The following NOS1 variants were observed in gnomAD, a reference collection of about 807,000 sequenced individuals.
NOS1 encodes nitric oxide synthase 1, also known as NOS type I.
NOS1 carries 51 observed loss-of-function variants against 164.5 expected under a neutral mutation model. That is an observed-to-expected ratio of 0.31 (90% confidence interval 0.25 to 0.39). NOS1 has a LOEUF of 0.39. NOS1 is among the 10% of genes least tolerant of loss of function. The pLI, the probability that NOS1 is intolerant of heterozygous loss-of-function variation, is 1.00. For missense variants in NOS1, 1,362 were observed against 1,885.6 expected, an observed-to-expected ratio of 0.72 and a Z score of 5.14; for synonymous variants, 719 against 745.8, an observed-to-expected ratio of 0.96 and a Z score of 0.59.
At chr12:117,338,873 A>T (rs1285374863) in intron 1 of NOS1, among the ~76,000 whole-genome samples, 2 of 152,160 alleles carry the variant, frequency 1.3e-5, no homozygotes, top group East Asian at 3.9e-4. Context: ...CACCCACAAA[A>T]TATCTGATGG....
intron 3 of NOS1, among the ~76,000 whole-genome samples, chr12:117,302,815 A>G (rs11068439): frequency 6.6e-6 from 1 of 151,738 alleles, no homozygotes; most frequent in Non-Finnish European, 1.5e-5. Context: ...GCACGATCTC[A>G]GCTCAATGCA....
chr12:117,302,368 G>C (rs1873872511), intron 3 of NOS1, among the ~76,000 whole-genome samples: 1 of 152,150 alleles, frequency 6.6e-6, no homozygotes, highest in African/African-American at 2.4e-5. Flanking sequence ...GCCGAGGCGG[G>C]CGGATCATGA....
Position 117,208,328 on chromosome 12 carries a change from A to G in NOS1, c.*6981T>C. ...AAGGAAGGTGCTGGAGCACAGGGAC[A>G]CTTGGCAGAGATTAGCAGCATTGAG... On this transcript the variant is annotated 3_prime_UTR_variant, in exon 29 of 29. Coordinates refer to ENST00000317775, the MANE Select transcript of NOS1 (RefSeq NM_000620.5). The G allele has an allele frequency of 1.6e-6, 2 of 1,288,976 alleles. No individual in the cohort carries two copies. The highest frequency in any genetic ancestry group is 2.0e-6 in the Non-Finnish European group (2 of 988,696). The allele number at this position is 1,288,976 out of a possible 1,614,324, so 79.8% of individuals were successfully genotyped here.
At position 117,208,637 on chromosome 12, in the gene NOS1, C is replaced by T; in HGVS notation, c.*6672G>A. The T allele has an allele frequency of 1.7e-6, 2 of 1,159,594 alleles. No homozygotes were observed. The highest frequency in any genetic ancestry group is 2.2e-6 in the Non-Finnish European group (2 of 925,902). The allele number at this position is 1,159,594 out of a possible 1,614,324, so 71.8% of individuals were successfully genotyped here. On this transcript the variant is annotated 3_prime_UTR_variant, in exon 29 of 29. Transcript: ENST00000317775. The stretch of plus-strand genomic sequence containing the variant: ...GGGACTGAGACCCAGCTCAAGAGCA[C>T]TGGATCTCAGTGAGTCTTAATCAGA...
chr12:117,219,867 T>C (rs966505531), intron 27 of NOS1, among the ~76,000 whole-genome samples: 2 of 152,208 alleles, frequency 1.3e-5, no homozygotes, highest in Admixed American at 1.3e-4. Context: ...TCATATTTGC[T>C]ACACCTGCCT....
intron 22 of NOS1, among the ~76,000 whole-genome samples, chr12:117,228,775 A>T (rs1868925340): frequency 6.6e-6 from 1 of 151,896 alleles, no homozygotes; most frequent in African/African-American, 2.4e-5. Flanking sequence ...TCTATTTTTA[A>T]ACTTTTTTAA....
chr12:117,286,025 C>G (rs966105290), intron 6 of NOS1, 79 bp downstream of exon 6: 6 of 1,520,846 alleles, frequency 3.9e-6, no homozygotes, highest in Admixed American at 1.8e-5. Context: ...GAAGCTTATC[C>G]TTTTTAAAGC....
intron 1 of NOS1, among the ~76,000 whole-genome samples, chr12:117,359,233 C>G (rs1877002644): frequency 6.6e-6 from 1 of 152,232 alleles, no homozygotes; most frequent in Admixed American, 6.5e-5. Context: ...GCGGACACCC[C>G]CTCCTTCAGG....
In NOS1 at chr12:117,243,159, G is replaced by A. The variant is rs1870326070; in HGVS notation, c.2962+138C>T. The stretch of plus-strand genomic sequence containing the variant: ...TTACTGAGTGTGGGAGAGCAGCAAA[G>A]TATTCATTTTGGTAGGACTGCACTA... On this transcript the variant is annotated intron_variant, in intron 19 of 28. Transcript: ENST00000317775. The surrounding 1 kb of genome is among the most constrained non-coding windows in gnomAD (Gnocchi z 4.3). 3.1e-6 allele frequency: 3 copies of A among 982,358 alleles called. No homozygotes were observed. The highest frequency in any genetic ancestry group is 4.5e-6 in the Non-Finnish European group (3 of 661,752). The allele number at this position is 982,358 out of a possible 1,614,324, so 60.9% of individuals were successfully genotyped here.
chr12:117,346,679 G>A (rs1876367135), intron 1 of NOS1, among the ~76,000 whole-genome samples: 1 of 152,126 alleles, frequency 6.6e-6, no homozygotes, highest in Non-Finnish European at 1.5e-5. Flanking sequence ...CTATGACTCA[G>A]GCTCTGCATT....
intron 16 of NOS1, 99 bp downstream of exon 16, chr12:117,258,298 G>A: frequency 1.7e-6 from 2 of 1,183,636 alleles, no homozygotes; most frequent in Non-Finnish European, 2.5e-6. Context: ...TCAGATTACA[G>A]CCACCATCCA....
In NOS1 at chr12:117,356,209, T is replaced by C. The variant is rs1176141369; in HGVS notation, c.-421+5303A>G. On this transcript the variant is annotated intron_variant, in intron 1 of 28. Transcript: ENST00000317775. This position sits in a 1 kb window ranked among gnomAD's most constrained non-coding sequence, Gnocchi z 4.2. ...GCTGTATGAATGACATGCTGGAGAG[T>C]CAGAGATGTTAATTCTCTCACTCTG... Among the ~76,000 whole-genome samples, 1 of 151,846 alleles carries C rather than the reference T, an allele frequency of 6.6e-6. No individual in the cohort carries two copies. Among genetic ancestry groups the C allele is most frequent in the East Asian group, 1.9e-4 (1 of 5,174 alleles).
At chr12:117,259,884 C>T (rs540788715) in intron 14 of NOS1, among the ~76,000 whole-genome samples, 183 of 152,062 alleles carry the variant, frequency 1.2e-3, no homozygotes, top group Non-Finnish European at 2.2e-3. Flanking sequence ...CTTTGGGAGG[C>T]CGAGGCGGGC....
At chr12:117,236,178 G>A (rs769626140) in intron 20 of NOS1, among the ~76,000 whole-genome samples, 3 of 152,128 alleles carry the variant, frequency 2.0e-5, no homozygotes, top group Non-Finnish European at 2.9e-5. Flanking sequence ...TTTGAGCTAC[G>A]ATTGCTTTTT....
chr12:117,302,134 G>A (rs796479926), intron 3 of NOS1: 6 of 456,534 alleles, frequency 1.3e-5, no homozygotes, highest in African/African-American at 1.2e-4. Context: ...TGAAGCCATG[G>A]ACTTAAAGTG....
Position 117,234,654 on chromosome 12 carries a change from A to G in NOS1, c.3146T>C (p.Val1049Ala), listed in dbSNP as rs775257502. Residue 1049 changes from valine to alanine, a missense_variant, in exon 21 of 29, where the codon GTG becomes GCG. Physicochemically the swap from Val to Ala is moderately conservative, Grantham distance 64. Around this residue, in one of 4 missense-constraint regions of NOS1, gnomAD observed 737 missense variants for 1,030.3 expected, o/e 0.72. Transcript: ENST00000317775. The surrounding 1 kb of genome is among the most constrained non-coding windows in gnomAD (Gnocchi z 4.3). Reference sequence around the variant, plus strand: ...CTCCAGCCGCTCGATCAGGGCATTCACGAGGTCCTCGTGGTTGCCAGGGAA... The same window carrying G: ...CTCCAGCCGCTCGATCAGGGCATTCGCGAGGTCCTCGTGGTTGCCAGGGAA... ...GVFPGNHEDL[V>A]NALIERLEDA... 6.2e-7 allele frequency: 1 copy of G among 1,614,100 alleles called. No homozygotes were observed. The highest frequency in any genetic ancestry group is 1.7e-5 in the Admixed American group (1 of 60,018).
At position 117,232,114 on chromosome 12, in the gene NOS1, T is replaced by C; in HGVS notation, c.3253A>G (p.Thr1085Ala). Residue 1085 changes from threonine (T) to alanine (A), a missense_variant, in exon 22 of 29, where the codon ACA (threonine) becomes GCA (alanine). By Grantham distance (58) the Thr-to-Ala change is moderately conservative (BLOSUM62 0). Coordinates refer to ENST00000317775, the MANE Select transcript of NOS1 (RefSeq NM_000620.5). ...NTALGVISNW[T>A]DELRLPPCTI... ...CAGGGCGGGAGGCGGAGCTCGTCTG[T>C]CCAGTTACTGATGACACCTGTGGAG... is the stretch of plus-strand genomic sequence containing the variant. 2.5e-6 allele frequency: 4 copies of C among 1,611,840 alleles called. No individual in the cohort carries two copies. Among genetic ancestry groups the C allele is most frequent in the Non-Finnish European group, 3.4e-6 (4 of 1,179,822 alleles).
Position 117,211,116 on chromosome 12 carries a change from C to T in NOS1, c.*4193G>A, listed in dbSNP as rs1956520938. The T allele has an allele frequency of 1.7e-5, 10 of 583,142 alleles. No homozygotes were observed. In the South Asian group the frequency reaches 5.3e-4, roughly 31 times the overall value. The allele number at this position is 583,142 out of a possible 1,614,324, so 36.1% of individuals were successfully genotyped here. A position where few individuals can be genotyped will look rare whatever the true frequency, so the allele number is the denominator to read the frequency against. On this transcript the variant is annotated 3_prime_UTR_variant, in exon 29 of 29. Coordinates refer to ENST00000317775, the MANE Select transcript of NOS1 (RefSeq NM_000620.5). ...AGACTACAGGCGCATGCCACCATGC[C>T]CAGCTAATTTTTGTATTTTCTTAGT...
In NOS1 at chr12:117,222,774, T is replaced by C; in HGVS notation, c.3916A>G (p.Asn1306Asp). 6.2e-7 allele frequency: 1 copy of C among 1,613,994 alleles called. No homozygotes were observed. Among genetic ancestry groups the C allele is most frequent in the Non-Finnish European group, 8.5e-7 (1 of 1,179,976 alleles). The stretch of plus-strand genomic sequence containing the variant: ...TACAGCTCTCTGAAGACCCCCTTGT[T>C]CTTGGCCTGCAGGGTCTCTTCCCTG... Reference protein sequence around the residue: ...IYREETLQAKNKGVFRELYTA... With the variant: ...IYREETLQAKDKGVFRELYTA... The change falls in exon 26 of 29, where the codon AAC becomes GAC. Residue 1306 changes from asparagine to aspartate, a missense_variant. By Grantham distance (23) the Asn-to-Asp change is conservative. This residue lies in a region of NOS1 where 737 missense variants were observed against 1,030.3 expected (regional missense o/e 0.72). Transcript: ENST00000317775.
Sources: gnomAD v4.1 joint callset for allele counts (sites outside exome capture counted in the v4.1 genomes callset) on GRCh38, gnomAD v4.1.1 for gene constraint, gnomAD v4.1.1 regional missense constraint, Gnocchi (gnomAD v3.1) non-coding constraint, MANE v1.5 for transcripts, NCBI Gene and HGNC (gene_info 2026-07-23, HGNC 2026-07-21) for gene names.